Variants in F8 observed in about 807,000 individuals in gnomAD.
The protein encoded by F8 is coagulation factor VIII.
Under a neutral mutation model 140.6 loss-of-function variants are expected in F8, and 12 were observed. That is an observed-to-expected ratio of 0.09 (90% CI 0.05 to 0.14). The LOEUF (loss-of-function observed/expected upper bound fraction) is 0.14, where lower values mean the gene tolerates loss of function less well. Among genes scored for constraint, F8 ranks in the 10% least tolerant of loss-of-function variants. The pLI, the probability that F8 is intolerant of heterozygous loss-of-function variation, is 1.00. For synonymous variants in F8, 585 were observed against 614.6 expected, an observed-to-expected ratio of 0.95 and a Z score of 0.71; for missense variants, 1,354 against 1,720.7, an observed-to-expected ratio of 0.79 and a Z score of 3.77.
At chrX:154,961,428 C>A (rs1304815438) in intron 9 of F8, among the ~76,000 whole-genome samples, 5 of 111,861 alleles carry the variant, frequency 4.5e-5, no homozygotes, top group African/African-American at 1.6e-4. Flanking sequence ...TTGCATATAA[C>A]ATATGCACAT....
chrX:154,913,960 C>T (rs1557276929), intron 14 of F8, among the ~76,000 whole-genome samples: 1 of 113,107 alleles, frequency 8.8e-6, no homozygotes, highest in African/African-American at 3.2e-5. Flanking sequence ...TCCCACCCCA[C>T]ATTTCTTTTC....
At chrX:154,858,904 A>C (rs2072668873) in intron 25 of F8, among the ~76,000 whole-genome samples, 1 of 112,351 alleles carries the variant, frequency 8.9e-6, no homozygotes, top group Non-Finnish European at 1.9e-5. Context: ...AGGTGCCCAG[A>C]TATTTACTCA....
Position 154,904,972 on chromosome X carries a change from T to C in F8, c.5425A>G (p.Ile1809Val). The C allele has an allele frequency of 1.7e-6, 2 of 1,208,690 alleles. No homozygotes were observed. Among genetic ancestry groups the C allele is most frequent in the Non-Finnish European group, 2.2e-6 (2 of 894,354 alleles). Residue 1809 changes from isoleucine to valine, a missense_variant, in exon 16 of 26, where the codon ATT becomes GTT. Coordinates refer to ENST00000360256, the MANE Select transcript of F8 (RefSeq NM_000132.4). Reference sequence around the variant, plus strand: ...TGCCTCTGATCTTCCTCATAAGAAATAAGGCTAGAATAGAAGGAATAGGGA... The same window carrying C: ...TGCCTCTGATCTTCCTCATAAGAAACAAGGCTAGAATAGAAGGAATAGGGA... Reference protein sequence around the residue: ...SRPYSFYSSLISYEEDQRQGA... With the variant: ...SRPYSFYSSLVSYEEDQRQGA...
At chrX:154,986,456 A>AT (rs1557284251) in intron 5 of F8, among the ~76,000 whole-genome samples, 2 of 110,097 alleles carry the variant, frequency 1.8e-5, no homozygotes, top group African/African-American at 6.6e-5. Context: ...TGACCGGCTG[A>AT]TTTTTTAATT....
intron 25 of F8, among the ~76,000 whole-genome samples, chrX:154,848,529 T>C (rs899643210): frequency 8.0e-5 from 9 of 112,366 alleles, no homozygotes; most frequent in African/African-American, 2.9e-4. Context: ...TGCAGTTTGA[T>C]CTCAGACTGC....
chrX:154,881,700 A>G (rs1557274444), intron 22 of F8, among the ~76,000 whole-genome samples: 1 of 108,786 alleles, frequency 9.2e-6, no homozygotes, highest in African/African-American at 3.4e-5. Flanking sequence ...GAACAGAAAG[A>G]AACTTCTTCA....
chrX:154,930,839 G>A lies in F8; in HGVS notation c.2951C>T (p.Ser984Leu), dbSNP rs781861130. The change falls in exon 14 of 26, where the codon TCG (serine) becomes TTG (leucine). Residue 984 changes from serine to leucine, a missense_variant. Physicochemically the swap from Ser to Leu is moderately radical, Grantham distance 145. This residue lies in a region of F8 where 658 missense variants were observed against 666.5 expected (regional missense o/e 0.99). Coordinates refer to ENST00000360256, the MANE Select transcript of F8 (RefSeq NM_000132.4). ...SQESSWGKNV[S>L]STESGRLFKG... ...AAATAACCTACCACTCTCTGTTGACGATACATTTTTTCCCCATGAACTTTC... is the reference window on the plus strand; with the variant it reads ...AAATAACCTACCACTCTCTGTTGACAATACATTTTTTCCCCATGAACTTTC... 13 of 1,205,886 alleles carry A rather than the reference G, an allele frequency of 1.1e-5. No homozygotes were observed. Among genetic ancestry groups the A allele is most frequent in the East Asian group, 3.0e-5 (1 of 33,765 alleles).
intron 13 of F8, among the ~76,000 whole-genome samples, chrX:154,942,864 T>TA (rs1195977507): frequency 9.4e-6 from 1 of 106,602 alleles, no homozygotes; most frequent in Non-Finnish European, 1.9e-5. Flanking sequence ...TGGTTCAATA[T>TA]ATGCAAATCA....
At chrX:154,962,603 A>G (rs2073400915) in intron 9 of F8, among the ~76,000 whole-genome samples, 1 of 112,029 alleles carries the variant, frequency 8.9e-6, no homozygotes, top group African/African-American at 3.2e-5. Flanking sequence ...GCCTAGGTGC[A>G]GTGGCTCATG....
chrX:154,972,703 C>CTT (rs1557282690), intron 6 of F8, among the ~76,000 whole-genome samples: 2 of 64,678 alleles, frequency 3.1e-5, no homozygotes, highest in African/African-American at 1.4e-4. Context: ...TTCTTTCTGT[C>CTT]TTTCTTTTTT....
rs192399689 is a variant in F8, at chrX:154,867,020, A to G, written c.6430-3793T>C. ...AAATATAAATGAAAGAGGAGACACT[A>G]CAACTGATGTCACAGAAACAGACAG... On this transcript the variant is annotated intron_variant, in intron 22 of 25. Coordinates refer to ENST00000360256, the MANE Select transcript of F8 (RefSeq NM_000132.4). Among the ~76,000 whole-genome samples the G allele has an allele frequency of 2.6e-4, 29 of 112,068 alleles. No homozygotes were observed. The East Asian group carries it at 5.8e-3, about 23-fold the overall frequency.
intron 1 of F8, among the ~76,000 whole-genome samples, chrX:155,018,754 C>T (rs1209883995): frequency 1.8e-5 from 2 of 111,926 alleles, no homozygotes; most frequent in Non-Finnish European, 3.8e-5. Context: ...GAAGTTGAAA[C>T]TTGAATTGAC....
intron 25 of F8, among the ~76,000 whole-genome samples, chrX:154,838,170 G>A (rs2072489972): frequency 8.9e-6 from 1 of 112,370 alleles, no homozygotes; most frequent in Non-Finnish European, 1.9e-5. Flanking sequence ...TTTCGCACAT[G>A]TTGGTGACAA....
intron 22 of F8, among the ~76,000 whole-genome samples, chrX:154,865,678 T>C (rs782464405): frequency 4.5e-4 from 49 of 107,815 alleles, no homozygotes; most frequent in Non-Finnish European, 8.1e-4. Flanking sequence ...ATTTGATCCC[T>C]GTGGTAACCC....
At chrX:154,958,200 C>A (rs1161010414) in intron 10 of F8, among the ~76,000 whole-genome samples, 2 of 111,499 alleles carry the variant, frequency 1.8e-5, no homozygotes, top group African/African-American at 3.3e-5. Flanking sequence ...TTTCAGCTAT[C>A]CTTCTGCAAC....
chrX:154,924,253 A>G (rs1557277815), intron 14 of F8, among the ~76,000 whole-genome samples: 1 of 112,033 alleles, frequency 8.9e-6, no homozygotes, highest in Non-Finnish European at 1.9e-5. Flanking sequence ...GCGACTTTGG[A>G]ACTGGGTAAC....
intron 6 of F8, among the ~76,000 whole-genome samples, chrX:154,973,965 ATG>A (rs782207804): frequency 8.9e-4 from 91 of 102,806 alleles, no homozygotes; most frequent in Admixed American, 1.5e-3. Flanking sequence ...TCTGGCTAGC[ATG>A]TGTGTGTGTG....
At chrX:154,861,607 T>C (rs1392232017) in intron 24 of F8, 111 bp downstream of exon 24, 1 of 974,609 alleles carries the variant, frequency 1.0e-6, no homozygotes, top group East Asian at 3.1e-5. Flanking sequence ...ACACACTTTT[T>C]AGAACTAACA....
At position 154,999,557 on chromosome X, in the gene F8, C is replaced by T. The variant is rs1569560019; in HGVS notation, c.187G>A (p.Val63Ile). 2.3e-5 allele frequency: 28 copies of T among 1,208,427 alleles called. No homozygotes were observed. Among genetic ancestry groups the T allele is most frequent in the Non-Finnish European group, 2.8e-5 (25 of 893,160 alleles). ...VPKSFPFNTS[V>I]VYKKTLFVEF... ...ACAAACAGAGTCTTTTTGTACACGA[C>T]TGAGGTGTTGAATGGAAAAGATTTT... Residue 63 changes from valine (V) to isoleucine (I), a missense_variant, in exon 2 of 26, where the codon GTC becomes ATC. This residue lies in a region of F8 where 128 missense variants were observed against 230.4 expected (regional missense o/e 0.56). Coordinates refer to ENST00000360256, the MANE Select transcript of F8 (RefSeq NM_000132.4).
Sources: allele counts gnomAD v4.1 joint callset (sites outside exome capture counted in the v4.1 genomes callset), GRCh38; gene constraint gnomAD v4.1.1; regional missense constraint gnomAD v4.1.1; transcripts MANE v1.5; gene names NCBI Gene and HGNC (gene_info 2026-07-23, HGNC 2026-07-21).